The following MGST2 variants were observed in gnomAD, a reference collection of about 807,000 sequenced individuals.
MGST2 encodes glutathione peroxidase MGST2.
Under a neutral mutation model 16.6 loss-of-function variants are expected in MGST2, and 9 were observed. The ratio of observed to expected loss-of-function variants is 0.54; its 90% CI spans 0.33 to 0.95. The LOEUF is 0.95. Ranked by LOEUF, MGST2 falls within the 40% of genes least tolerant of loss-of-function variation. The probability of loss-of-function intolerance (pLI) is 0.03; values close to 1 mark genes in which losing one functional copy is unlikely to be tolerated. For synonymous variants in MGST2, 79 were observed against 68.0 expected (o/e 1.16, Z -0.79); for missense variants, 159 against 175.1 (o/e 0.91, Z 0.52).
intron 2 of MGST2, among the ~76,000 whole-genome samples, chr4:139,682,990 A>G (rs1731342977): frequency 6.6e-6 from 1 of 152,084 alleles, no homozygotes. Context: ...CCCTCTGCAC[A>G]AGGTTCGAAC....
At chr4:139,754,458 C>T in the MGST2 span, among the ~76,000 whole-genome samples, 1 of 152,324 alleles carries the variant, frequency 6.6e-6, no homozygotes, top group African/African-American at 2.4e-5. Context: ...CATGTTACTC[C>T]ATTGTATAAA....
At chr4:139,746,819 A>C in the MGST2 span, among the ~76,000 whole-genome samples, 12 of 152,368 alleles carry the variant, frequency 7.9e-5, no homozygotes, top group Non-Finnish European at 1.3e-4. Flanking sequence ...TTTATGAAAC[A>C]AGTAGAAGAG....
At chr4:139,732,572 C>T (rs573758211) in intron 5 of MGST2, among the ~76,000 whole-genome samples, 9 of 41,572 alleles carry the variant, frequency 2.2e-4, no homozygotes, top group South Asian at 2.8e-3. Context: ...AGAACTAGAA[C>T]GCTATTTTTT....
chr4:139,719,232 AAAC>A (rs1324061673), intron 5 of MGST2: 2 of 1,452,932 alleles, frequency 1.4e-6, no homozygotes, highest in Admixed American at 2.7e-5. Context: ...TGGGTCAAAA[AAAC>A]AAAAAACAAG....
At chr4:139,709,983 C>T (rs17050873) in intron 5 of MGST2, among the ~76,000 whole-genome samples, 9,758 of 152,090 alleles carry the variant, frequency 0.064, 422 homozygotes, top group East Asian at 0.11. Context: ...AGGACAAAAT[C>T]GGATTTACAA....
At chr4:139,717,392 T>TTCATC (rs1256981390) in intron 5 of MGST2, 1 of 152,432 alleles carries the variant, frequency 6.6e-6, no homozygotes, top group Non-Finnish European at 1.5e-5. Flanking sequence ...TTTTTTTGGT[T>TTCATC]TCATCTCTTT....
intron 2 of MGST2, 38 bp downstream of exon 2, chr4:139,678,680 C>G (rs774885505): frequency 4.7e-6 from 7 of 1,484,372 alleles, no homozygotes; most frequent in Non-Finnish European, 6.6e-6. Flanking sequence ...GGATCTGTGC[C>G]TGCCATACAG....
At chr4:139,736,042 G>T (rs919886503) in intron 5 of MGST2, among the ~76,000 whole-genome samples, 1 of 152,180 alleles carries the variant, frequency 6.6e-6, no homozygotes, top group East Asian at 1.9e-4. Context: ...TGGCAGGAAA[G>T]AGTAAAAATA....
rs374178900 is a variant in MGST2, at chr4:139,679,922, T to C, written c.158+1280T>C. ...TGTTTATTTTTATCAAAGTAATTTA[T>C]GTACGTGATCTGAAGATAAAGTGGG... On this transcript the variant is annotated intron_variant, in intron 2 of 4. Transcript: ENST00000265498. 5.3e-5 allele frequency among the ~76,000 whole-genome samples: 8 copies of C among 152,260 alleles called. No individual in the cohort carries two copies. The East Asian group carries it at 5.8e-4, about 11-fold the overall frequency.
chr4:139,683,862 CA>C, intron 2 of MGST2, among the ~76,000 whole-genome samples: 1 of 148,502 alleles, frequency 6.7e-6, no homozygotes, highest in East Asian at 2.0e-4. Flanking sequence ...TGGCAGCAGG[CA>C]AAAAATGAGA....
At chr4:139,708,380 C>A (rs181766134), downstream of MGST2, among the ~76,000 whole-genome samples, 138 of 152,178 alleles carry the variant, frequency 9.1e-4, 3 homozygotes, top group Admixed American at 8.1e-3. Context: ...TGTAGATATG[C>A]GGCATTATTT....
At chr4:139,734,806 TGGC>T (rs1185150420) in intron 5 of MGST2, among the ~76,000 whole-genome samples, 17 of 152,262 alleles carry the variant, frequency 1.1e-4, no homozygotes, top group Non-Finnish European at 2.4e-4. Context: ...CCAGCCTTGC[TGGC>T]GGCGAACCAA....
At chr4:139,750,497 G>A in the MGST2 span, among the ~76,000 whole-genome samples, 1 of 152,312 alleles carries the variant, frequency 6.6e-6, no homozygotes, top group East Asian at 1.9e-4. Context: ...GTTCCTTGGA[G>A]ATATTAAGCC....
chr4:139,691,076 AT>A (rs1726548634), intron 2 of MGST2, among the ~76,000 whole-genome samples: 1 of 152,190 alleles, frequency 6.6e-6, no homozygotes, highest in Non-Finnish European at 1.5e-5. Context: ...GGAAGCTTCA[AT>A]ATCAAAGGAG....
At chr4:139,730,837 TACC>T (rs1461244638) in intron 5 of MGST2, 1 of 628,012 alleles carries the variant, frequency 1.6e-6, no homozygotes, top group African/African-American at 1.8e-5. Context: ...AACCCGACCT[TACC>T]TGAGTAGAAT....
chr4:139,691,666 AGATGAT>A (rs376635466), intron 2 of MGST2, among the ~76,000 whole-genome samples: 5,813 of 144,028 alleles, frequency 0.04, 367 homozygotes, highest in African/African-American at 0.14. Flanking sequence ...ACTGGCAGTC[AGATGAT>A]GATGATGATG....
chr4:139,667,064 AC>A (rs1730396334), intron 1 of MGST2, among the ~76,000 whole-genome samples: 2 of 152,158 alleles, frequency 1.3e-5, no homozygotes, highest in African/African-American at 4.8e-5. Context: ...TAAAAGGAAA[AC>A]CCTAGACAAA....
At chr4:139,666,115 T>TGTGTGCGCGC in intron 1 of MGST2, 38 bp downstream of exon 1, 1 of 1,298,260 alleles carries the variant, frequency 7.7e-7, no homozygotes, top group Non-Finnish European at 1.0e-6. Context: ...TGCGCGTGTG[T>TGTGTGCGCGC]GCGTGTGTGT....
At chr4:139,739,239 G>A (rs912398476) in intron 5 of MGST2, among the ~76,000 whole-genome samples, 5 of 152,228 alleles carry the variant, frequency 3.3e-5, no homozygotes, top group Non-Finnish European at 7.3e-5. Flanking sequence ...TCTGCTGAAT[G>A]TTAAAGAAAG....
Sources: allele counts gnomAD v4.1 joint callset (sites outside exome capture counted in the v4.1 genomes callset), GRCh38; gene constraint gnomAD v4.1.1; transcripts MANE v1.5; gene names NCBI Gene and HGNC (gene_info 2026-07-23, HGNC 2026-07-21).